The following SGO1 variants were observed in gnomAD, a reference collection of about 807,000 sequenced individuals.
SGO1 encodes serologically defined breast cancer antigen NY-BR-85.
Under a neutral mutation model 50.5 loss-of-function variants are expected in SGO1, and 39 were observed. The observed-to-expected ratio is 0.77, with a 90% CI of 0.60 to 1.01. SGO1 has a LOEUF of 1.01. Ranked by LOEUF, SGO1 falls within the 50% of genes least tolerant of loss-of-function variation. The pLI, the probability that SGO1 is intolerant of heterozygous loss-of-function variation, is 0.00. For synonymous variants in SGO1, 191 were observed against 205.1 expected (o/e 0.93, Z 0.59); for missense variants, 638 against 606.0 (o/e 1.05, Z -0.55).
At chr3:20,182,744 C>T (rs1257272096) in intron 3 of SGO1, among the ~76,000 whole-genome samples, 2 of 152,070 alleles carry the variant, frequency 1.3e-5, no homozygotes, top group Admixed American at 6.5e-5. Flanking sequence ...TGAGGCCGGG[C>T]GCGGTGGCTC....
rs529992286 is a variant in SGO1 at position 20,182,746 on chromosome 3, C to T, written c.339+862G>A. On this transcript the variant is annotated intron_variant, in intron 3 of 7. Transcript: ENST00000412997. The stretch of plus-strand genomic sequence containing the variant: ...CAGATTAAAAATTTGAGGCCGGGCG[C>T]GGTGGCTCACACCTGTAATCCCAGC... Among the ~76,000 whole-genome samples the T allele has an allele frequency of 5.3e-5, 8 of 152,206 alleles. No individual in the cohort carries two copies. The South Asian group carries it at 8.3e-4, about 16-fold the overall frequency.
intron 3 of SGO1, among the ~76,000 whole-genome samples, chr3:20,180,084 C>T (rs116599202): frequency 0.041 from 6,274 of 152,142 alleles, 164 homozygotes; most frequent in Non-Finnish European, 0.058. Context: ...ATCACTTGAA[C>T]CCAGGAGGTC....
At chr3:20,182,277 C>T (rs1454200562) in intron 3 of SGO1, among the ~76,000 whole-genome samples, 3 of 152,114 alleles carry the variant, frequency 2.0e-5, no homozygotes, top group African/African-American at 7.2e-5. Context: ...CTTTCACTGA[C>T]TTCTCCTGTC....
At chr3:20,171,979 A>C (rs921165559) in intron 6 of SGO1, among the ~76,000 whole-genome samples, 4 of 152,204 alleles carry the variant, frequency 2.6e-5, no homozygotes, top group African/African-American at 7.2e-5. Flanking sequence ...CTGTATCCCC[A>C]AAAAAGTAAA....
At chr3:20,172,833 G>T (rs969775108) in intron 6 of SGO1, among the ~76,000 whole-genome samples, 31 of 151,034 alleles carry the variant, frequency 2.1e-4, no homozygotes, top group African/African-American at 5.8e-4. Flanking sequence ...AGGTGTGATG[G>T]CGCATGCCTG....
chr3:20,166,363 A>C (rs1208259736), downstream of SGO1, among the ~76,000 whole-genome samples: 1 of 152,218 alleles, frequency 6.6e-6, no homozygotes, highest in African/African-American at 2.4e-5. Context: ...TTGATGGATA[A>C]AGAAAATATG....
intron 1 of SGO1, among the ~76,000 whole-genome samples, chr3:20,185,744 A>C (rs1702585008): frequency 6.6e-6 from 1 of 151,942 alleles, no homozygotes; most frequent in African/African-American, 2.4e-5. Flanking sequence ...TTATTTGCAC[A>C]TCACTTAATC....
intron 3 of SGO1, among the ~76,000 whole-genome samples, chr3:20,179,856 A>T (rs1234374110): frequency 1.3e-5 from 2 of 152,224 alleles, no homozygotes; most frequent in African/African-American, 4.8e-5. Flanking sequence ...AGATCAAAGT[A>T]TGTCAAGTAA....
chr3:20,166,554 G>T (rs1047615827), downstream of SGO1, among the ~76,000 whole-genome samples: 1 of 152,112 alleles, frequency 6.6e-6, no homozygotes, highest in Non-Finnish European at 1.5e-5. Flanking sequence ...GAAAGTAAAA[G>T]TAGTGGTTAC....
At chr3:20,164,151 A>G (rs567564286) in intron 8 of SGO1, among the ~76,000 whole-genome samples, 1 of 152,160 alleles carries the variant, frequency 6.6e-6, no homozygotes, top group African/African-American at 2.4e-5. Flanking sequence ...CTATAGACCA[A>G]TAACTCTCAC....
intron 6 of SGO1, 41 bp downstream of exon 6, chr3:20,174,208 C>T (rs777190113): frequency 1.4e-6 from 2 of 1,471,850 alleles, no homozygotes; most frequent in Admixed American, 3.4e-5. Context: ...GATCATTTAT[C>T]ACGAACATTA....
In SGO1 at chr3:20,170,101, G is replaced by GT. The variant is rs1216039513; in HGVS notation, c.*602dup. 2.0e-6 allele frequency: 2 copies of GT among 985,046 alleles called. No homozygotes were observed. The highest frequency in any genetic ancestry group is 2.4e-6 in the Non-Finnish European group (2 of 829,742). 61.0% of individuals were successfully genotyped at this position (985,046 alleles called of 1,614,324 possible). ...AGTAATCATTATTCATTTCTACAAT[G>GT]TTTGTATAAGATACATTTTGGGCTG... On this transcript the variant is annotated 3_prime_UTR_variant, in exon 8 of 8. Coordinates refer to ENST00000412997, the MANE Select transcript of SGO1 (RefSeq NM_001199251.3).
intron 1 of SGO1, among the ~76,000 whole-genome samples, chr3:20,185,387 C>A (rs1406598571): frequency 1.3e-5 from 2 of 152,100 alleles, no homozygotes; most frequent in Admixed American, 6.6e-5. Flanking sequence ...AGTTTTATAT[C>A]CTGTCTAAAT....
rs545384772 is a variant in SGO1, at chr3:20,184,902, T to G, written c.-7-868A>C. On this transcript the variant is annotated intron_variant, in intron 1 of 7. Transcript: ENST00000412997. ...TTCACAAACATCTTTTACGCTAGAT[T>G]GCACTTTGCAGATCTTAAAATTGCA... Among the ~76,000 whole-genome samples, 7 of 148,762 alleles carry G rather than the reference T, an allele frequency of 4.7e-5. 1 individual carries two copies. In the South Asian group the frequency reaches 1.5e-3, roughly 33 times the overall value.
chr3:20,162,719 CTA>C (rs144953871), intron 8 of SGO1, among the ~76,000 whole-genome samples: 15,058 of 150,650 alleles, frequency 0.1, 937 homozygotes, highest in Admixed American at 0.16. Flanking sequence ...TAAATATGCT[CTA>C]GAATATAAAA....
intron 3 of SGO1, among the ~76,000 whole-genome samples, chr3:20,179,932 T>C (rs1170290632): frequency 6.6e-6 from 1 of 152,084 alleles, no homozygotes; most frequent in African/African-American, 2.4e-5. Flanking sequence ...ACCACTGAAT[T>C]TGGTAACATG....
Position 20,183,914 on chromosome 3 carries a change from A to C in SGO1, c.114T>G (p.Ser38=), listed in dbSNP as rs143576733. 4.7e-5 allele frequency: 75 copies of C among 1,612,276 alleles called. No individual in the cohort carries two copies. In the African/African-American group the frequency reaches 9.7e-4, roughly 21 times the overall value. The change falls in exon 2 of 8, where the codon TCT becomes TCG. Residue 38 remains serine, a synonymous_variant. Coordinates refer to ENST00000412997, the MANE Select transcript of SGO1 (RefSeq NM_001199251.3). ...KNLAEIGKRR[S]FIAAPCQIIT... ...TTATTTGGCATGGTGCAGCTATAAA[A>C]GACCTGCGTTTGCCAATCTCTGCCA... is the stretch of plus-strand genomic sequence containing the variant.
chr3:20,162,765 A>G (rs1315595253), intron 8 of SGO1, among the ~76,000 whole-genome samples: 1 of 148,142 alleles, frequency 6.8e-6, no homozygotes, highest in Non-Finnish European at 1.5e-5. Flanking sequence ...TAAAATATAT[A>G]TATAAAATAA....
chr3:20,176,574 A>G (rs1369487390), intron 5 of SGO1, 27 bp downstream of exon 5: 12 of 1,425,970 alleles, frequency 8.4e-6, no homozygotes, highest in Admixed American at 2.2e-5. Flanking sequence ...GCCCTTAATA[A>G]TATTTTTAGA....
Sources: gnomAD v4.1 joint callset for allele counts (sites outside exome capture counted in the v4.1 genomes callset) on GRCh38, gnomAD v4.1.1 for gene constraint, MANE v1.5 for transcripts, NCBI Gene and HGNC (gene_info 2026-07-23, HGNC 2026-07-21) for gene names.